The following PRKCE variants were observed in gnomAD, a reference collection of about 807,000 sequenced individuals.
PRKCE encodes protein kinase C epsilon, also known as protein kinase C epsilon type.
A neutral mutation model predicts 85.4 loss-of-function variants in PRKCE; 16 were observed. That is an observed-to-expected ratio of 0.19 (90% CI 0.13 to 0.28). The LOEUF is 0.28. Ranked by LOEUF, PRKCE falls within the 10% of genes least tolerant of loss-of-function variation. PRKCE has a pLI of 1.00. For missense variants in PRKCE, 573 were observed against 975.2 expected (o/e 0.59, Z 5.49); for synonymous variants, 388 against 371.5 (o/e 1.04, Z -0.51).
rs78754790 is a variant in PRKCE, at chr2:45,753,959, C to T, written c.349-89041C>T. Among the ~76,000 whole-genome samples the T allele has an allele frequency of 5.9e-3, 892 of 152,286 alleles. 16 individuals are homozygous for T. The highest frequency in any genetic ancestry group is 0.02 in the African/African-American group (851 of 41,540). On this transcript the variant is annotated intron_variant, in intron 1 of 14. Transcript: ENST00000306156. Reference sequence around the variant, plus strand: ...CCTAAGTATCCTCTAATACTCAAACCGTATTCAGATTTTCCCAGTTGCTCA... The same window carrying T: ...CCTAAGTATCCTCTAATACTCAAACTGTATTCAGATTTTCCCAGTTGCTCA...
chr2:45,735,146 G>A (rs116365240), intron 1 of PRKCE, among the ~76,000 whole-genome samples: 2,830 of 152,258 alleles, frequency 0.019, 94 homozygotes, highest in African/African-American at 0.065. Flanking sequence ...AGCCCTGGGC[G>A]CATGATGTGA....
At chr2:45,659,664 G>A (rs1675544486) in intron 1 of PRKCE, among the ~76,000 whole-genome samples, 1 of 152,126 alleles carries the variant, frequency 6.6e-6, no homozygotes, top group African/African-American at 2.4e-5. Flanking sequence ...CACTTACCAT[G>A]CTCCTGCCTC....
chr2:45,674,899 A>G (rs1362579894), intron 1 of PRKCE: 1 of 152,156 alleles, frequency 6.6e-6, no homozygotes, highest in African/African-American at 2.4e-5. Context: ...AGGCAGTTGA[A>G]CTGTTTGTCT....
chr2:45,690,754 A>G (rs1172200975), intron 1 of PRKCE, among the ~76,000 whole-genome samples: 1 of 152,240 alleles, frequency 6.6e-6, no homozygotes. Context: ...CCCTCTCTGT[A>G]TAATGATCTG....
intron 10 of PRKCE, among the ~76,000 whole-genome samples, chr2:46,076,775 G>A (rs1668592202): frequency 6.6e-6 from 1 of 152,010 alleles, no homozygotes; most frequent in Non-Finnish European, 1.5e-5. Flanking sequence ...ATCATTATAA[G>A]AAAGAACCAT....
At chr2:46,056,072 C>T (rs921188495) in intron 10 of PRKCE, among the ~76,000 whole-genome samples, 2 of 152,090 alleles carry the variant, frequency 1.3e-5, no homozygotes, top group Non-Finnish European at 2.9e-5. Flanking sequence ...GGCTCTATAA[C>T]CTTAGGCCAT....
chr2:45,780,055 A>T (rs145581671), intron 1 of PRKCE, among the ~76,000 whole-genome samples: 15 of 55,354 alleles, frequency 2.7e-4, no homozygotes, highest in Non-Finnish European at 4.5e-4. Context: ...ATACATCTGT[A>T]TCGATCTCAA....
intron 10 of PRKCE, among the ~76,000 whole-genome samples, chr2:46,027,560 A>G (rs1392022854): frequency 6.6e-6 from 1 of 152,168 alleles, no homozygotes; most frequent in Non-Finnish European, 1.5e-5. Context: ...TCGTAGGTAT[A>G]TTTTACAATA....
intron 2 of PRKCE, among the ~76,000 whole-genome samples, chr2:45,866,646 G>T (rs180758899): frequency 5.3e-5 from 8 of 152,214 alleles, no homozygotes; most frequent in Non-Finnish European, 7.3e-5. Flanking sequence ...GGAAGCAGGC[G>T]ACGGTGTTAA....
At chr2:46,021,720 G>C (rs1176084350) in intron 10 of PRKCE, among the ~76,000 whole-genome samples, 1 of 152,164 alleles carries the variant, frequency 6.6e-6, no homozygotes, top group African/African-American at 2.4e-5. Flanking sequence ...TAAAACTAGA[G>C]GTCTAAGTTA....
chr2:45,658,306 C>G (rs1675477203), intron 1 of PRKCE, among the ~76,000 whole-genome samples: 1 of 152,178 alleles, frequency 6.6e-6, no homozygotes, highest in Non-Finnish European at 1.5e-5. Flanking sequence ...CATTCTTGGC[C>G]CAGTGCTATC....
At chr2:45,937,302 C>G (rs945550580) in intron 2 of PRKCE, among the ~76,000 whole-genome samples, 7 of 152,204 alleles carry the variant, frequency 4.6e-5, no homozygotes, top group Non-Finnish European at 7.3e-5. Context: ...AGGTCACTCC[C>G]AGAATACACT....
chr2:45,844,378 C>G (rs1691608686), intron 2 of PRKCE, among the ~76,000 whole-genome samples: 3 of 152,262 alleles, frequency 2.0e-5, no homozygotes. Context: ...GCTCTCAGCT[C>G]TGAACTGCCC....
chr2:46,093,724 A>G (rs1670408622), intron 11 of PRKCE, among the ~76,000 whole-genome samples: 1 of 152,026 alleles, frequency 6.6e-6, no homozygotes, highest in East Asian at 1.9e-4. Flanking sequence ...CAATTATTTT[A>G]CACATTATCT....
At chr2:45,706,235 A>C (rs568613732) in intron 1 of PRKCE, among the ~76,000 whole-genome samples, 16 of 152,270 alleles carry the variant, frequency 1.1e-4, no homozygotes, top group African/African-American at 3.9e-4. Flanking sequence ...CTGCTGTTGT[A>C]GTTGGCAAGA....
intron 1 of PRKCE, among the ~76,000 whole-genome samples, chr2:45,659,039 T>C (rs1675513632): frequency 6.6e-6 from 1 of 152,340 alleles, no homozygotes; most frequent in East Asian, 1.9e-4. Flanking sequence ...GTTTCATGGA[T>C]TTAAATACAC....
At chr2:46,144,540 A>C (rs1342941521) in intron 11 of PRKCE, among the ~76,000 whole-genome samples, 1 of 151,634 alleles carries the variant, frequency 6.6e-6, no homozygotes, top group Non-Finnish European at 1.5e-5. Context: ...TCTTCTAACC[A>C]TGTTTCTCTT....
In PRKCE at chr2:45,984,784, C is replaced by T. The variant is rs377724602; in HGVS notation, c.823+104C>T. The T allele has an allele frequency of 1.1e-3, 1,622 of 1,481,324 alleles. 39 individuals are homozygous for T. The South Asian group carries it at 0.019, about 18-fold the overall frequency. The allele number at this position is 1,481,324 out of a possible 1,614,324, so 91.8% of individuals were successfully genotyped here. A position where few individuals can be genotyped will look rare whatever the true frequency, so the allele number is the denominator to read the frequency against. On this transcript the variant is annotated intron_variant, in intron 6 of 14. Coordinates refer to ENST00000306156, the MANE Select transcript of PRKCE (RefSeq NM_005400.3). ...AACCCTTGTCTGATTCCAGATTTGG[C>T]CAAGAACTGAGTGCAAGCCTTTGTT... is the stretch of plus-strand genomic sequence containing the variant.
chr2:46,176,957 A>T (rs1019753692), intron 14 of PRKCE, among the ~76,000 whole-genome samples: 16 of 152,224 alleles, frequency 1.1e-4, no homozygotes, highest in African/African-American at 3.9e-4. Flanking sequence ...TCTGAGCTTT[A>T]CCTATAACCC....
Sources: gnomAD v4.1 joint callset for allele counts (sites outside exome capture counted in the v4.1 genomes callset) on GRCh38, gnomAD v4.1.1 for gene constraint, MANE v1.5 for transcripts, NCBI Gene and HGNC (gene_info 2026-07-23, HGNC 2026-07-21) for gene names.